The following SYTL5 variants were observed in gnomAD, a reference collection of about 807,000 sequenced individuals.
SYTL5 encodes the protein synaptotagmin-like protein 5.
SYTL5 carries 34 observed loss-of-function variants against 55.9 expected under a neutral mutation model. The observed-to-expected ratio is 0.61, with a 90% CI of 0.46 to 0.81. The LOEUF is 0.81. Among genes scored for constraint, SYTL5 ranks in the 30% least tolerant of loss-of-function variants. SYTL5 has a pLI of 0.00. For synonymous variants in SYTL5, 221 were observed against 188.7 expected, an observed-to-expected ratio of 1.17 and a Z score of -1.40; for missense variants, 637 against 546.7, an observed-to-expected ratio of 1.17 and a Z score of -1.65.
chrX:37,955,649 G>T, the SYTL5 span, among the ~76,000 whole-genome samples: 1 of 111,868 alleles, frequency 8.9e-6, no homozygotes, highest in African/African-American at 3.2e-5. Context: ...CAATACACTG[G>T]CCGGGAAATG....
chrX:38,044,762 G>C (rs1012123990), intron 2 of SYTL5, among the ~76,000 whole-genome samples: 3 of 111,677 alleles, frequency 2.7e-5, no homozygotes, highest in African/African-American at 9.7e-5. Context: ...ACTTTCTGAT[G>C]TTTTTAATAC....
chrX:37,904,918 T>C, the SYTL5 span, among the ~76,000 whole-genome samples: 29 of 111,143 alleles, frequency 2.6e-4, no homozygotes, highest in East Asian at 5.4e-3. Context: ...GGAACTCTTT[T>C]TATACATTTT....
chrX:38,005,558 A>G (rs1341199151), upstream of SYTL5, among the ~76,000 whole-genome samples: 3 of 111,445 alleles, frequency 2.7e-5, no homozygotes, highest in Non-Finnish European at 3.8e-5. Flanking sequence ...GAAATTTTAG[A>G]GCTTAAAAAA....
chrX:37,991,336 G>T, the SYTL5 span: 8 of 1,007,826 alleles, frequency 7.9e-6, no homozygotes, highest in Non-Finnish European at 1.1e-5. Context: ...ACTCCTCTCA[G>T]TTTCTGTCGC....
intron 8 of SYTL5, 51 bp from the exon 9 acceptor site, chrX:38,096,083 T>C (rs73632456): frequency 0.047 from 31,768 of 670,408 alleles, 2,408 homozygotes; most frequent in African/African-American, 0.28. Context: ...AATGAAATCT[T>C]CTCACAAAAC....
At chrX:37,955,538 A>G in the SYTL5 span, among the ~76,000 whole-genome samples, 1 of 112,111 alleles carries the variant, frequency 8.9e-6, no homozygotes, top group Non-Finnish European at 1.9e-5. Flanking sequence ...AATTAGATGA[A>G]CATTTTTTAC....
chrX:37,907,802 A>G, the SYTL5 span, among the ~76,000 whole-genome samples: 4 of 112,602 alleles, frequency 3.6e-5, no homozygotes, highest in Non-Finnish European at 7.5e-5. Context: ...CAAAGTGTGG[A>G]TCCTCAGAAT....
chrX:38,046,407 C>T, intron 2 of SYTL5, among the ~76,000 whole-genome samples: 1 of 111,541 alleles, frequency 9.0e-6, no homozygotes, highest in Middle Eastern at 4.6e-3. Context: ...TGGTGGCAGA[C>T]AGGAGAAGAG....
At chrX:37,971,333 A>G in the SYTL5 span, among the ~76,000 whole-genome samples, 2 of 111,462 alleles carry the variant, frequency 1.8e-5, no homozygotes, top group Non-Finnish European at 3.8e-5. Flanking sequence ...AGTTTACATC[A>G]TAAGGTAAGA....
intron 9 of SYTL5, among the ~76,000 whole-genome samples, 162 bp downstream of exon 9, chrX:38,096,396 G>T (rs944602974): frequency 7.2e-5 from 8 of 111,463 alleles, no homozygotes; most frequent in African/African-American, 2.6e-4. Flanking sequence ...AAAACCGAAA[G>T]AATAACTTAG....
intron 3 of SYTL5, among the ~76,000 whole-genome samples, chrX:38,061,915 G>A (rs1485737457): frequency 1.8e-5 from 2 of 111,511 alleles, no homozygotes; most frequent in Non-Finnish European, 3.8e-5. Context: ...GAATTCAGAA[G>A]GCCCCAAAGA....
intron 6 of SYTL5, among the ~76,000 whole-genome samples, chrX:38,088,361 T>C (rs747878827): frequency 6.7e-4 from 75 of 112,365 alleles, no homozygotes; most frequent in African/African-American, 2.4e-3. Flanking sequence ...ACCAATAAGA[T>C]GTGTACTATT....
the SYTL5 span, among the ~76,000 whole-genome samples, chrX:37,922,776 G>A: frequency 1.8e-5 from 2 of 111,393 alleles, no homozygotes; most frequent in Non-Finnish European, 3.8e-5. Context: ...CAGTAAGATT[G>A]AGGAACCCTG....
At chrX:37,927,849 T>C in the SYTL5 span, among the ~76,000 whole-genome samples, 1 of 111,562 alleles carries the variant, frequency 9.0e-6, no homozygotes, top group Non-Finnish European at 1.9e-5. Context: ...TATCGTGTAC[T>C]TGCCCTGGAT....
the SYTL5 span, among the ~76,000 whole-genome samples, chrX:37,970,368 T>TTA: frequency 1.0e-4 from 11 of 109,310 alleles, no homozygotes; most frequent in African/African-American, 3.6e-4. Context: ...TTTTTTTTTT[T>TTA]ACCAAAAATA....
intron 9 of SYTL5, among the ~76,000 whole-genome samples, chrX:38,098,137 T>C (rs1487829514): frequency 9.0e-6 from 1 of 111,054 alleles, no homozygotes; most frequent in African/African-American, 3.3e-5. Flanking sequence ...AGGCAAAGAA[T>C]TCTTAAATAT....
the SYTL5 span, among the ~76,000 whole-genome samples, chrX:37,935,065 AAACTGTCATCATG>A: frequency 8.9e-6 from 1 of 112,515 alleles, no homozygotes; most frequent in Admixed American, 9.4e-5. Context: ...AACAATAATC[AAACTGTCATCATG>A]AAGAGAAACC....
the SYTL5 span, among the ~76,000 whole-genome samples, chrX:37,933,090 G>A: frequency 9.0e-6 from 1 of 111,277 alleles, no homozygotes; most frequent in Non-Finnish European, 1.9e-5. Flanking sequence ...ATTTAAAGGA[G>A]GTGGCGATAT....
At chrX:38,077,153 A>G (rs1471041729) in intron 6 of SYTL5, among the ~76,000 whole-genome samples, 1 of 111,592 alleles carries the variant, frequency 9.0e-6, no homozygotes, top group Non-Finnish European at 1.9e-5. Context: ...CACCTCTTCT[A>G]ACTGGAGGAG....
Sources: gnomAD v4.1 joint callset for allele counts (sites outside exome capture counted in the v4.1 genomes callset) on GRCh38, gnomAD v4.1.1 for gene constraint, MANE v1.5 for transcripts, NCBI Gene and HGNC (gene_info 2026-07-23, HGNC 2026-07-21) for gene names.